SCFD2: variants seen among roughly 807,000 people sequenced by gnomAD.
SCFD2 encodes sec1 family domain containing 2, also known as sec1 family domain-containing protein 2.
A neutral mutation model predicts 58.9 loss-of-function variants in SCFD2; 54 were observed. That is an observed-to-expected ratio of 0.92 (90% CI 0.74 to 1.15). SCFD2 has a LOEUF of 1.15. Ranked by LOEUF, SCFD2 falls within the 50% of genes most tolerant of loss-of-function variation. The pLI is 0.00. For synonymous variants in SCFD2, 321 were observed against 335.9 expected (o/e 0.96, Z 0.49); for missense variants, 805 against 836.6 (o/e 0.96, Z 0.47).
chr4:52,887,648 G>A (rs1718769962), intron 7 of SCFD2, among the ~76,000 whole-genome samples: 1 of 152,200 alleles, frequency 6.6e-6, no homozygotes, highest in South Asian at 2.1e-4. Flanking sequence ...AAGTCTGCCA[G>A]CTGCCTGCGT....
chr4:53,055,662 G>GA (rs1322787476), intron 5 of SCFD2, among the ~76,000 whole-genome samples: 2 of 152,052 alleles, frequency 1.3e-5, no homozygotes, highest in African/African-American at 2.4e-5. Context: ...AAAGGAGAGA[G>GA]AAAAAAGAAT....
At chr4:53,272,707 G>T (rs571494534) in intron 4 of SCFD2, among the ~76,000 whole-genome samples, 159 of 152,068 alleles carry the variant, frequency 1.0e-3, no homozygotes, top group Middle Eastern at 3.4e-3. Flanking sequence ...GTTGTGGGGT[G>T]GGGGGAAGGG....
At chr4:53,284,754 A>G (rs138516652) in intron 3 of SCFD2, among the ~76,000 whole-genome samples, 1 of 152,352 alleles carries the variant, frequency 6.6e-6, no homozygotes, top group African/African-American at 2.4e-5. Flanking sequence ...AGACTATTAG[A>G]TACTGAAACA....
intron 5 of SCFD2, among the ~76,000 whole-genome samples, chr4:52,921,735 T>C (rs1034809206): frequency 1.2e-4 from 18 of 151,966 alleles, no homozygotes; most frequent in African/African-American, 4.4e-4. Context: ...AGTGGTAAAG[T>C]TTCTGTGTAT....
intron 5 of SCFD2, among the ~76,000 whole-genome samples, chr4:52,961,440 G>T (rs1183998972): frequency 6.6e-6 from 1 of 152,156 alleles, no homozygotes; most frequent in Non-Finnish European, 1.5e-5. Flanking sequence ...CCTATCCCTG[G>T]CCTTTTATTT....
chr4:53,022,358 G>C (rs950397968), intron 5 of SCFD2, among the ~76,000 whole-genome samples: 1 of 151,994 alleles, frequency 6.6e-6, no homozygotes, highest in Non-Finnish European at 1.5e-5. Flanking sequence ...CCCCATCTAG[G>C]GCCTCTAAGG....
intron 4 of SCFD2, among the ~76,000 whole-genome samples, chr4:53,237,779 C>G (rs1729697068): frequency 1.1e-5 from 1 of 89,368 alleles, no homozygotes; most frequent in Non-Finnish European, 2.3e-5. Context: ...GGCTGACCCC[C>G]CCACCTCCAT....
chr4:53,067,778 C>A (rs1050911335), intron 5 of SCFD2, among the ~76,000 whole-genome samples: 6 of 151,988 alleles, frequency 3.9e-5, no homozygotes, highest in African/African-American at 1.4e-4. Context: ...TTATTAGCAG[C>A]ATGAGAACAG....
intron 5 of SCFD2, among the ~76,000 whole-genome samples, chr4:53,061,230 C>G (rs1165173719): frequency 2.0e-5 from 3 of 152,126 alleles, no homozygotes; most frequent in Non-Finnish European, 2.9e-5. Flanking sequence ...TATATTTTGG[C>G]ATGGCAAATA....
At chr4:53,331,437 G>T (rs1357679975) in intron 2 of SCFD2, among the ~76,000 whole-genome samples, 1 of 152,152 alleles carries the variant, frequency 6.6e-6, no homozygotes, top group Non-Finnish European at 1.5e-5. Flanking sequence ...TCAGGATTAA[G>T]AATTTCACTC....
At chr4:53,339,314 C>A (rs1733786353) in intron 2 of SCFD2, among the ~76,000 whole-genome samples, 1 of 150,710 alleles carries the variant, frequency 6.6e-6, no homozygotes, top group African/African-American at 2.4e-5. Flanking sequence ...TAAGTTATTA[C>A]ATGTTATTAC....
intron 5 of SCFD2, among the ~76,000 whole-genome samples, chr4:53,121,735 T>C (rs540802203): frequency 6.6e-6 from 1 of 152,346 alleles, no homozygotes; most frequent in East Asian, 1.9e-4. Context: ...GCAATCCATG[T>C]GATCTTGACT....
chr4:53,164,801 A>AG lies in SCFD2; in HGVS notation c.1312-19220_1312-19219insC, dbSNP rs202237049. Among the ~76,000 whole-genome samples, 535 of 150,550 alleles carry AG rather than the reference A, an allele frequency of 3.6e-3. 2 individuals carry two copies. The highest frequency in any genetic ancestry group is 0.012 in the African/African-American group (500 of 40,634). The stretch of plus-strand genomic sequence containing the variant: ...ACTCTGGAGTCTCAAAAAAAAAAAA[A>AG]AAAAAGAAGAAGAAGAAGAAGAAGA... On this transcript the variant is annotated intron_variant, in intron 4 of 8. Coordinates refer to ENST00000401642, the MANE Select transcript of SCFD2 (RefSeq NM_152540.4).
At position 52,970,618 on chromosome 4, in the gene SCFD2, A is replaced by C. The variant is rs186224892; in HGVS notation, c.1562-49748T>G. On this transcript the variant is annotated intron_variant, in intron 5 of 8. Transcript: ENST00000401642. ...AGGGAGTAGCCAAACAAAAGGCAGC[A>C]GAGTCCTCTGCAGACTTAAATGTCC... Among the ~76,000 whole-genome samples, 35 of 152,360 alleles carry C rather than the reference A, an allele frequency of 2.3e-4. No individual in the cohort carries two copies. The Middle Eastern group carries it at 0.01, about 44-fold the overall frequency.
intron 4 of SCFD2, among the ~76,000 whole-genome samples, chr4:53,147,452 T>C (rs1726367268): frequency 6.6e-6 from 1 of 152,208 alleles, no homozygotes; most frequent in African/African-American, 2.4e-5. Flanking sequence ...TACCATTTAT[T>C]TCCACTAAAA....
At chr4:53,302,958 G>T (rs1398430823) in intron 3 of SCFD2, among the ~76,000 whole-genome samples, 1 of 152,088 alleles carries the variant, frequency 6.6e-6, no homozygotes, top group African/African-American at 2.4e-5. Flanking sequence ...ATTCAAGATG[G>T]ATTAAAGACT....
chr4:53,176,573 C>T (rs1727336756), intron 4 of SCFD2, among the ~76,000 whole-genome samples: 1 of 152,212 alleles, frequency 6.6e-6, no homozygotes, highest in South Asian at 2.1e-4. Flanking sequence ...CCATGCTAAA[C>T]AAATGGCAGC....
At chr4:53,329,289 G>A (rs1034595323) in intron 2 of SCFD2, among the ~76,000 whole-genome samples, 3 of 152,180 alleles carry the variant, frequency 2.0e-5, no homozygotes, top group Admixed American at 1.3e-4. Context: ...ACCTCTGGGG[G>A]CAGGGCACAG....
chr4:52,876,049 T>G (rs909183270), intron 8 of SCFD2, among the ~76,000 whole-genome samples: 1 of 151,688 alleles, frequency 6.6e-6, no homozygotes, highest in Non-Finnish European at 1.5e-5. Flanking sequence ...GTCTTTCAGG[T>G]CTTCCTCACC....
Sources: allele counts gnomAD v4.1 joint callset (sites outside exome capture counted in the v4.1 genomes callset), GRCh38; gene constraint gnomAD v4.1.1; transcripts MANE v1.5; gene names NCBI Gene and HGNC (gene_info 2026-07-23, HGNC 2026-07-21).